The following SLC38A8 variants were observed in gnomAD, a reference collection of about 807,000 sequenced individuals.
SLC38A8 encodes amino acid transporter SLC38A8.
SLC38A8 carries 65 observed loss-of-function variants against 46.0 expected under a neutral mutation model. That is an observed-to-expected ratio of 1.41 (90% CI 1.16 to 1.74). SLC38A8 has a LOEUF of 1.74. SLC38A8 is among the 40% of genes most tolerant of loss of function. The pLI is 0.00. For synonymous variants in SLC38A8, 447 were observed against 243.7 expected (o/e 1.83, Z -7.77); for missense variants, 998 against 567.9 (o/e 1.76, Z -7.70).
At chr16:84,011,482 G>C (rs1343855012) in intron 10 of SLC38A8, among the ~76,000 whole-genome samples, 2 of 152,146 alleles carry the variant, frequency 1.3e-5, no homozygotes, top group Non-Finnish European at 2.9e-5. Flanking sequence ...GGGCTCAATG[G>C]GGCTAGAGGG....
At chr16:84,038,220 A>G (rs1461584009) in intron 2 of SLC38A8, among the ~76,000 whole-genome samples, 2 of 151,998 alleles carry the variant, frequency 1.3e-5, no homozygotes, top group African/African-American at 2.4e-5. Flanking sequence ...CTGACGCAGG[A>G]GAATCACTTG....
chr16:84,015,444 G>C (rs1288978837), intron 9 of SLC38A8, among the ~76,000 whole-genome samples: 1 of 152,028 alleles, frequency 6.6e-6, no homozygotes, highest in Non-Finnish European at 1.5e-5. Context: ...GGTGCCTTGA[G>C]CCACGTGACT....
chr16:84,015,853 A>C (rs1384475963), intron 9 of SLC38A8, among the ~76,000 whole-genome samples: 1 of 152,144 alleles, frequency 6.6e-6, no homozygotes, highest in Non-Finnish European at 1.5e-5. Context: ...TTACAGGCAT[A>C]CACCACCATG....
chr16:84,032,719 C>A (rs542451604), intron 4 of SLC38A8, among the ~76,000 whole-genome samples: 1 of 152,330 alleles, frequency 6.6e-6, no homozygotes, highest in Admixed American at 6.5e-5. Flanking sequence ...TGTTTCTATA[C>A]AATGTCTATT....
chr16:84,020,384 A>C (rs1179449999), intron 7 of SLC38A8, among the ~76,000 whole-genome samples: 2 of 152,086 alleles, frequency 1.3e-5, no homozygotes, highest in Non-Finnish European at 2.9e-5. Flanking sequence ...GGCCTCAAGC[A>C]GTCCTTTCAC....
At chr16:84,012,778 G>A (rs1283972502) in intron 10 of SLC38A8, among the ~76,000 whole-genome samples, 2 of 152,356 alleles carry the variant, frequency 1.3e-5, no homozygotes, top group East Asian at 1.9e-4. Context: ...GACCCTCAGA[G>A]TGGAAGGGAA....
chr16:84,018,047 T>C (rs1297851051), intron 7 of SLC38A8, among the ~76,000 whole-genome samples: 18 of 152,080 alleles, frequency 1.2e-4, no homozygotes, highest in Admixed American at 1.2e-3. Context: ...TACAACAGAA[T>C]ACCTGAAACT....
chr16:84,011,241 T>C (rs773605052), intron 10 of SLC38A8, among the ~76,000 whole-genome samples: 40 of 152,126 alleles, frequency 2.6e-4, no homozygotes, highest in Non-Finnish European at 4.4e-4. Flanking sequence ...GTTTTAACGA[T>C]AAAAATATCT....
rs2151115481 is a variant in SLC38A8, at chr16:84,018,513, C to T, written c.806-1226G>A. On this transcript the variant is annotated intron_variant, in intron 7 of 10. Coordinates refer to ENST00000299709, the MANE Select transcript of SLC38A8 (RefSeq NM_001080442.3). ...GGATTACAGGCATGAGCCACCGTGC[C>T]TGGCCTGGCCCATTCCCTCTTCTTA... Among the ~76,000 whole-genome samples the T allele has an allele frequency of 1.3e-5, 2 of 152,266 alleles. 1 individual carries two copies. The highest frequency in any genetic ancestry group is 6.8e-3 in the Middle Eastern group (2 of 294).
At chr16:84,039,053 G>A (rs913481595) in intron 2 of SLC38A8, among the ~76,000 whole-genome samples, 1 of 152,192 alleles carries the variant, frequency 6.6e-6, no homozygotes, top group Non-Finnish European at 1.5e-5. Context: ...CTTGGATCTG[G>A]TGGGCCCTCA....
intron 7 of SLC38A8, among the ~76,000 whole-genome samples, chr16:84,018,458 A>T (rs942799596): frequency 6.6e-6 from 1 of 151,852 alleles, no homozygotes; most frequent in Non-Finnish European, 1.5e-5. Flanking sequence ...TGACCTCGTG[A>T]TCCACCCGCC....
chr16:84,041,862 A>G (rs113818173), intron 2 of SLC38A8, 107 bp downstream of exon 2: 4 of 990,770 alleles, frequency 4.0e-6, no homozygotes, highest in South Asian at 3.4e-5. Context: ...CCCCGAAGCT[A>G]TAGCTTACAG....
At position 84,036,898 on chromosome 16, in the gene SLC38A8, G is replaced by T. The variant is rs755211190; in HGVS notation, c.192C>A (p.Val64=). The part of the protein sequence containing the change: ...GVVPAFLVEL[V]SLVFLISGLV... ...GCCCGCTGATCAGGAAGACCAACGA[G>T]ACCTGCGGAGAAGGAGCAGGACCTG... Residue 64 remains valine (V), a splice_region_variant and synonymous_variant, in exon 3 of 11, where the codon GTC becomes GTA. Transcript: ENST00000299709. 124 of 1,610,136 alleles carry T rather than the reference G, an allele frequency of 7.7e-5. 1 individual carries two copies. In the Admixed American group the frequency reaches 2.1e-3, roughly 27 times the overall value.
At chr16:84,012,144 A>G (rs2084962049) in intron 10 of SLC38A8, among the ~76,000 whole-genome samples, 1 of 152,218 alleles carries the variant, frequency 6.6e-6, no homozygotes, top group African/African-American at 2.4e-5. Flanking sequence ...GTAATTTGTT[A>G]CAATAACCCC....
intron 7 of SLC38A8, among the ~76,000 whole-genome samples, chr16:84,019,323 C>T (rs866326757): frequency 2.0e-5 from 3 of 152,080 alleles, no homozygotes; most frequent in African/African-American, 7.3e-5. Context: ...ATCCACCTGC[C>T]TCAGCCTACC....
intron 5 of SLC38A8, 49 bp from the exon 6 acceptor site, chr16:84,029,600 A>C (rs2085213919): frequency 6.3e-7 from 1 of 1,580,754 alleles, no homozygotes; most frequent in African/African-American, 1.3e-5. Flanking sequence ...TCACACCCGG[A>C]ACAACCTGCG....
At chr16:84,012,965 A>G in intron 10 of SLC38A8, 36 bp downstream of exon 10, 1 of 1,611,178 alleles carries the variant, frequency 6.2e-7, no homozygotes, top group Non-Finnish European at 8.5e-7. Flanking sequence ...GATCCGGGGC[A>G]CACCCAGGGT....
chr16:84,010,507 G>A (rs529350272), intron 10 of SLC38A8, among the ~76,000 whole-genome samples: 229 of 152,234 alleles, frequency 1.5e-3, no homozygotes, highest in African/African-American at 5.2e-3. Context: ...TTGGGAGGCT[G>A]AGGCAGGCGG....
chr16:84,012,214 G>A (rs187255825), intron 10 of SLC38A8, among the ~76,000 whole-genome samples: 2 of 152,332 alleles, frequency 1.3e-5, no homozygotes, highest in East Asian at 1.9e-4. Flanking sequence ...TCTATGGGAT[G>A]GGAGGGAGTC....
Sources: gnomAD v4.1 joint callset for allele counts (sites outside exome capture counted in the v4.1 genomes callset) on GRCh38, gnomAD v4.1.1 for gene constraint, MANE v1.5 for transcripts, NCBI Gene and HGNC (gene_info 2026-07-23, HGNC 2026-07-21) for gene names.